PCDH9: variants seen among roughly 807,000 people sequenced by gnomAD.
PCDH9 encodes protocadherin-9.
Under a neutral mutation model 70.6 loss-of-function variants are expected in PCDH9, and 24 were observed. The observed-to-expected ratio is 0.34, with a 90% CI of 0.25 to 0.48. The LOEUF (loss-of-function observed/expected upper bound fraction) is 0.48. Ranked by LOEUF, PCDH9 falls within the 20% of genes least tolerant of loss-of-function variation. The pLI is 0.99. For missense variants in PCDH9, 1,281 were observed against 1,503.6 expected, an observed-to-expected ratio of 0.85 and a Z score of 2.45; for synonymous variants, 562 against 558.5, an observed-to-expected ratio of 1.01 and a Z score of -0.09.
intron 3 of PCDH9, among the ~76,000 whole-genome samples, chr13:66,641,038 C>T (rs1321222967): frequency 3.3e-5 from 5 of 152,032 alleles, no homozygotes; most frequent in Non-Finnish European, 7.4e-5. Flanking sequence ...TTGCATTCAG[C>T]TAATTTTTGT....
At chr13:66,484,453 C>T (rs1958903624) in intron 4 of PCDH9, among the ~76,000 whole-genome samples, 1 of 152,190 alleles carries the variant, frequency 6.6e-6, no homozygotes, top group Non-Finnish European at 1.5e-5. Flanking sequence ...ATAAAAGAAC[C>T]TTTCCCATTT....
In PCDH9 at chr13:66,655,394, A is replaced by G. The variant is rs1041763090; in HGVS notation, c.3139-23983T>C. Among the ~76,000 whole-genome samples the G allele has an allele frequency of 3.9e-5, 6 of 151,978 alleles. No homozygotes were observed. The East Asian group carries it at 7.7e-4, about 20-fold the overall frequency. On this transcript the variant is annotated intron_variant, in intron 3 of 4. Transcript: ENST00000377865. Reference sequence around the variant, plus strand: ...ATTTAAATATTAATAATTTTAAATAATAAAATTCTTAATGTTAAGGACTAT... The same window carrying G: ...ATTTAAATATTAATAATTTTAAATAGTAAAATTCTTAATGTTAAGGACTAT...
intron 4 of PCDH9, among the ~76,000 whole-genome samples, chr13:66,539,213 A>C (rs977374575): frequency 3.3e-5 from 5 of 152,090 alleles, no homozygotes; most frequent in South Asian, 2.1e-4. Context: ...CCTCTTTAAC[A>C]ATATTCACTC....
chr13:66,613,796 G>A (rs2077322670), intron 4 of PCDH9, among the ~76,000 whole-genome samples: 1 of 152,158 alleles, frequency 6.6e-6, no homozygotes, highest in Non-Finnish European at 1.5e-5. Context: ...ACAAGCACTG[G>A]GATCAAATAC....
At position 67,019,991 on chromosome 13, in the gene PCDH9, T is replaced by C. The variant is rs191830274; in HGVS notation, c.3037-116386A>G. Among the ~76,000 whole-genome samples, 33 of 152,358 alleles carry C rather than the reference T, an allele frequency of 2.2e-4. 1 individual carries two copies. In the East Asian group the frequency reaches 5.2e-3, roughly 24 times the overall value. ...CACAAAACTAAGAATTCTTTAGCTA[T>C]AAAATTATTTTATGTTTGATGGACT... On this transcript the variant is annotated intron_variant, in intron 2 of 4. Transcript: ENST00000377865.
At chr13:67,171,640 G>A (rs983622347) in intron 2 of PCDH9, among the ~76,000 whole-genome samples, 5 of 152,008 alleles carry the variant, frequency 3.3e-5, no homozygotes, top group African/African-American at 1.2e-4. Context: ...ACCTTTAATG[G>A]TGCAGTGCGT....
intron 4 of PCDH9, among the ~76,000 whole-genome samples, chr13:66,458,203 T>G (rs1412127646): frequency 5.3e-5 from 8 of 152,046 alleles, no homozygotes; most frequent in African/African-American, 1.9e-4. Flanking sequence ...AGACTTTATT[T>G]TTGTTGAAAC....
At chr13:66,399,383 C>A (rs373792892) in intron 4 of PCDH9, among the ~76,000 whole-genome samples, 2 of 152,054 alleles carry the variant, frequency 1.3e-5, no homozygotes, top group African/African-American at 4.8e-5. Context: ...CTTTTGCCAG[C>A]GGCTTATTTT....
intron 2 of PCDH9, among the ~76,000 whole-genome samples, chr13:66,949,895 A>T (rs1303659287): frequency 3.3e-5 from 5 of 152,100 alleles, no homozygotes; most frequent in Non-Finnish European, 7.4e-5. Flanking sequence ...ATAGAAAGGC[A>T]TTTAAGGTCA....
intron 3 of PCDH9, among the ~76,000 whole-genome samples, chr13:66,714,793 G>C (rs1233677719): frequency 6.6e-6 from 1 of 152,138 alleles, no homozygotes; most frequent in Admixed American, 6.5e-5. Flanking sequence ...TTCTATGTGA[G>C]ATTTTCTTGA....
chr13:66,579,511 G>A (rs797020450), intron 4 of PCDH9, among the ~76,000 whole-genome samples: 78 of 152,140 alleles, frequency 5.1e-4, no homozygotes, highest in African/African-American at 1.8e-3. Context: ...ATGGATTTTC[G>A]ATGCTGACAA....
chr13:66,342,689 A>G (rs1346149533), intron 4 of PCDH9, among the ~76,000 whole-genome samples: 2 of 151,986 alleles, frequency 1.3e-5, no homozygotes, highest in African/African-American at 4.8e-5. Flanking sequence ...GTGGCACAAC[A>G]ACCTCCGCCT....
intron 4 of PCDH9, among the ~76,000 whole-genome samples, chr13:66,491,385 T>TTGTG (rs71106974): frequency 0.18 from 24,859 of 136,022 alleles, 2,460 homozygotes; most frequent in South Asian, 0.28. Flanking sequence ...GCAGGAGATA[T>TTGTG]TGTGTGTGTG....
At chr13:66,610,027 G>T (rs1286035963) in intron 4 of PCDH9, among the ~76,000 whole-genome samples, 1 of 147,774 alleles carries the variant, frequency 6.8e-6, no homozygotes, top group Non-Finnish European at 1.5e-5. Flanking sequence ...GCGAGATCTC[G>T]GCTCACTGCA....
intron 3 of PCDH9, among the ~76,000 whole-genome samples, chr13:66,754,394 A>G (rs1163961219): frequency 6.6e-6 from 1 of 152,164 alleles, no homozygotes; most frequent in Non-Finnish European, 1.5e-5. Flanking sequence ...AATAAATAAA[A>G]TAACATAAAA....
At chr13:66,737,456 A>G (rs2079169653) in intron 3 of PCDH9, among the ~76,000 whole-genome samples, 1 of 152,220 alleles carries the variant, frequency 6.6e-6, no homozygotes. Flanking sequence ...CTTTTGTTGA[A>G]TTAATGTAAA....
chr13:66,428,653 T>C (rs1214461106), intron 4 of PCDH9, among the ~76,000 whole-genome samples: 2 of 151,766 alleles, frequency 1.3e-5, no homozygotes, highest in African/African-American at 4.8e-5. Context: ...AAGGATTGTA[T>C]ATATATGTAT....
intron 2 of PCDH9, among the ~76,000 whole-genome samples, chr13:67,077,959 T>A (rs1046931941): frequency 1.6e-4 from 24 of 152,344 alleles, no homozygotes; most frequent in African/African-American, 5.0e-4. Flanking sequence ...TCTTTCCATT[T>A]GATGAAGTAC....
At chr13:67,007,401 TAA>T (rs1374656462) in intron 2 of PCDH9, among the ~76,000 whole-genome samples, 1 of 152,166 alleles carries the variant, frequency 6.6e-6, no homozygotes, top group Non-Finnish European at 1.5e-5. Context: ...AAAGAAGAGT[TAA>T]AACATATTAA....
Sources: gnomAD v4.1 joint callset for allele counts (sites outside exome capture counted in the v4.1 genomes callset) on GRCh38, gnomAD v4.1.1 for gene constraint, MANE v1.5 for transcripts, NCBI Gene and HGNC (gene_info 2026-07-23, HGNC 2026-07-21) for gene names.